Variants in KCND2 observed in about 807,000 individuals in gnomAD.
KCND2 encodes the protein potassium voltage-gated channel subfamily D member 2, also known as A-type voltage-gated potassium channel KCND2.
Under a neutral mutation model 54.4 loss-of-function variants are expected in KCND2, and 16 were observed. The ratio of observed to expected loss-of-function variants is 0.29; its 90% confidence interval spans 0.20 to 0.45. The LOEUF (loss-of-function observed/expected upper bound fraction) is 0.45. Ranked by LOEUF, KCND2 falls within the 20% of genes least tolerant of loss-of-function variation. The probability of loss-of-function intolerance (pLI) is 1.00; values close to 1 mark genes in which losing one functional copy is unlikely to be tolerated. For synonymous variants in KCND2, 317 were observed against 310.7 expected (o/e 1.02, Z -0.21); for missense variants, 486 against 824.2 (o/e 0.59, Z 5.02).
chr7:120,349,864 A>G lies in KCND2; in HGVS notation c.1115+74117A>G, dbSNP rs182329519. On this transcript the variant is annotated intron_variant, in intron 1 of 5. Transcript: ENST00000331113. ...TTTACTTTAGTCCACTGCAGATGTA[A>G]TAAGAACAATGAAATCTTAATGATT... Among the ~76,000 whole-genome samples, 5 of 152,222 alleles carry G rather than the reference A, an allele frequency of 3.3e-5. No individual in the cohort carries two copies. In the East Asian group the frequency reaches 9.6e-4, roughly 29 times the overall value.
intron 1 of KCND2, among the ~76,000 whole-genome samples, chr7:120,310,375 A>G (rs1395414377): frequency 6.6e-6 from 1 of 152,210 alleles, no homozygotes; most frequent in African/African-American, 2.4e-5. Context: ...ACGACAATGA[A>G]GAACAATTTA....
At chr7:120,322,537 A>G (rs1799906068) in intron 1 of KCND2, among the ~76,000 whole-genome samples, 2 of 152,154 alleles carry the variant, frequency 1.3e-5, no homozygotes, top group African/African-American at 4.8e-5. Flanking sequence ...AGTTATTTCT[A>G]ATGTAACTTA....
intron 1 of KCND2, among the ~76,000 whole-genome samples, chr7:120,294,235 T>A (rs966112052): frequency 3.3e-5 from 5 of 151,970 alleles, no homozygotes; most frequent in African/African-American, 1.2e-4. Flanking sequence ...AATACATGAC[T>A]GGTTAAAATA....
At position 120,661,517 on chromosome 7, in the gene KCND2, A is replaced by T. The variant is rs1363743019; in HGVS notation, c.1116-71386A>T. 3.9e-5 allele frequency among the ~76,000 whole-genome samples: 6 copies of T among 151,952 alleles called. No homozygotes were observed. The East Asian group carries it at 1.2e-3, about 29-fold the overall frequency. Reference sequence around the variant, plus strand: ...TACAAAAAATTAGCCAGGCATGGTGATAGTCACCTGTAGTCCCAGCTACTC... The same window carrying T: ...TACAAAAAATTAGCCAGGCATGGTGTTAGTCACCTGTAGTCCCAGCTACTC... On this transcript the variant is annotated intron_variant, in intron 1 of 5. Transcript: ENST00000331113.
intron 1 of KCND2, among the ~76,000 whole-genome samples, chr7:120,361,521 T>TA (rs1437960944): frequency 6.6e-6 from 1 of 152,008 alleles, no homozygotes; most frequent in Non-Finnish European, 1.5e-5. Context: ...GGGCAATTTG[T>TA]AAAAGCCATT....
intron 1 of KCND2, among the ~76,000 whole-genome samples, chr7:120,340,189 A>G (rs1242689310): frequency 6.6e-6 from 1 of 152,220 alleles, no homozygotes; most frequent in Non-Finnish European, 1.5e-5. Flanking sequence ...AAAGAAAACC[A>G]GTTTAGAAAG....
intron 1 of KCND2, among the ~76,000 whole-genome samples, chr7:120,321,000 C>T (rs1256858273): frequency 6.6e-6 from 1 of 152,078 alleles, no homozygotes; most frequent in East Asian, 1.9e-4. Context: ...GAATCTAGGT[C>T]AGAAGTGAGT....
At chr7:120,434,949 G>A (rs1341386883) in intron 1 of KCND2, among the ~76,000 whole-genome samples, 2 of 151,846 alleles carry the variant, frequency 1.3e-5, no homozygotes, top group East Asian at 3.9e-4. Flanking sequence ...AGACTCATAG[G>A]ATTGGAAGAC....
intron 1 of KCND2, among the ~76,000 whole-genome samples, chr7:120,627,785 A>G (rs969829720): frequency 6.6e-6 from 1 of 151,882 alleles, no homozygotes; most frequent in Non-Finnish European, 1.5e-5. Context: ...AATAAATTAT[A>G]TAATTATGTA....
chr7:120,333,014 A>G (rs1230202860), intron 1 of KCND2, among the ~76,000 whole-genome samples: 1 of 152,118 alleles, frequency 6.6e-6, no homozygotes, highest in Non-Finnish European at 1.5e-5. Flanking sequence ...AGCTGTTGTG[A>G]GTAGTCTTAA....
intron 1 of KCND2, among the ~76,000 whole-genome samples, chr7:120,459,377 A>G (rs78674105): frequency 0.027 from 4,064 of 152,234 alleles, 85 homozygotes; most frequent in Non-Finnish European, 0.045. Flanking sequence ...TCTTTACTGA[A>G]TTACACTTTT....
At chr7:120,617,735 G>A (rs7781883) in intron 1 of KCND2, among the ~76,000 whole-genome samples, 11,456 of 152,152 alleles carry the variant, frequency 0.075, 1,021 homozygotes, top group East Asian at 0.45. Context: ...CAAACACATG[G>A]AATCAACCCA....
intron 1 of KCND2, among the ~76,000 whole-genome samples, chr7:120,473,000 A>G (rs1198240576): frequency 6.6e-6 from 1 of 152,208 alleles, no homozygotes; most frequent in African/African-American, 2.4e-5. Flanking sequence ...GTTCACCGAT[A>G]GCAAGGATGG....
Position 120,313,508 on chromosome 7 carries a change from A to G in KCND2, c.1115+37761A>G, listed in dbSNP as rs1799769259. Among the ~76,000 whole-genome samples the G allele has an allele frequency of 3.3e-5, 5 of 152,036 alleles. No individual in the cohort carries two copies. The South Asian group carries it at 1.0e-3, about 32-fold the overall frequency. On this transcript the variant is annotated intron_variant, in intron 1 of 5. Coordinates refer to ENST00000331113, the MANE Select transcript of KCND2 (RefSeq NM_012281.3). ...AATTTTAAACATAGAAAGCATAGTT[A>G]TAGTTGACTTAAACCCGATTTTCCA...
intron 1 of KCND2, among the ~76,000 whole-genome samples, chr7:120,473,289 C>T (rs766244265): frequency 6.6e-6 from 1 of 152,182 alleles, no homozygotes; most frequent in Admixed American, 6.5e-5. Flanking sequence ...CAGAGCAGTA[C>T]TGGCTTTAAC....
chr7:120,514,451 C>T (rs1803167111), intron 1 of KCND2, among the ~76,000 whole-genome samples: 1 of 151,994 alleles, frequency 6.6e-6, no homozygotes, highest in Admixed American at 6.6e-5. Flanking sequence ...CACACTAAGC[C>T]CAGGGAATTC....
At chr7:120,616,847 C>T (rs1793031670) in intron 1 of KCND2, among the ~76,000 whole-genome samples, 3 of 152,104 alleles carry the variant, frequency 2.0e-5, no homozygotes, top group South Asian at 2.1e-4. Flanking sequence ...CATCTTAGCC[C>T]TTTCTGTTCT....
At chr7:120,622,485 T>TTTTA (rs562549225) in intron 1 of KCND2, among the ~76,000 whole-genome samples, 1 of 150,986 alleles carries the variant, frequency 6.6e-6, no homozygotes, top group African/African-American at 2.4e-5. Flanking sequence ...TGCGAAATTG[T>TTTTA]TATATATATA....
At chr7:120,678,343 TTATA>T (rs3067141) in intron 1 of KCND2, among the ~76,000 whole-genome samples, 1,952 of 120,146 alleles carry the variant, frequency 0.016, 26 homozygotes, top group East Asian at 0.043. Context: ...GTATGATTAT[TTATA>T]TATATATATA....
Sources: gnomAD v4.1 joint callset for allele counts (sites outside exome capture counted in the v4.1 genomes callset) on GRCh38, gnomAD v4.1.1 for gene constraint, MANE v1.5 for transcripts, NCBI Gene and HGNC (gene_info 2026-07-23, HGNC 2026-07-21) for gene names.